Variants in HOXB5 observed in about 807,000 individuals in gnomAD.
The protein encoded by HOXB5 is homeobox protein Hox-B5.
In HOXB5, 10 loss-of-function variants were observed where a neutral mutation model predicts 19.6. The ratio of observed to expected loss-of-function variants is 0.51; its 90% CI spans 0.32 to 0.87. HOXB5 has a LOEUF of 0.87. Ranked by LOEUF, HOXB5 falls within the 40% of genes least tolerant of loss-of-function variation. The probability of loss-of-function intolerance (pLI) is 0.04; values close to 1 mark genes in which losing one functional copy is unlikely to be tolerated. For missense variants in HOXB5, 353 were observed against 369.6 expected (o/e 0.96, Z 0.37); for synonymous variants, 167 against 156.9 (o/e 1.06, Z -0.48).
intron 1 of HOXB5, 39 bp downstream of exon 1, chr17:48,593,082 A>G: frequency 5.3e-6 from 4 of 749,388 alleles, no homozygotes; most frequent in Non-Finnish European, 6.0e-6. Flanking sequence ...AAACGCAGAG[A>G]AGGAAAGCCG....
Position 48,593,531 on chromosome 17 carries a change from C to T in HOXB5, c.152G>A (p.Gly51Glu). 6.2e-7 allele frequency: 1 copy of T among 1,613,252 alleles called. No individual in the cohort carries two copies. Among genetic ancestry groups the T allele is most frequent in the South Asian group, 1.1e-5 (1 of 91,088 alleles). The change falls in exon 1 of 2, where the codon GGG (glycine) becomes GAG (glutamate). Residue 51 changes from glycine (G) to glutamate (E), a missense_variant. Physicochemically the swap from Gly to Glu is moderately conservative, Grantham distance 98 (BLOSUM62 -2). Transcript: ENST00000239151. ...GGAGCGGTTGACGCTGAGGTCCATC[C>T]CATTGTAATTGTAGCCGTAAGAGCC... ...HTGSYGYNYNGMDLSVNRSSA... is the reference protein window; with the variant it reads ...HTGSYGYNYNEMDLSVNRSSA...
chr17:48,592,998 C>G (rs920412271), intron 1 of HOXB5, 123 bp downstream of exon 1: 1 of 735,910 alleles, frequency 1.4e-6, no homozygotes, highest in East Asian at 2.7e-5. Context: ...CTCTTAGATA[C>G]TTCTCCCCCT....
At position 48,593,665 on chromosome 17, in the gene HOXB5, T is replaced by A; in HGVS notation, c.18A>T (p.Val6=). 2.5e-6 allele frequency: 4 copies of A among 1,611,672 alleles called. No individual in the cohort carries two copies. Among genetic ancestry groups the A allele is most frequent in the Non-Finnish European group, 3.4e-6 (4 of 1,178,984 alleles). The change falls in exon 1 of 2, where the codon GTA becomes GTT. Residue 6 remains valine, a synonymous_variant. Coordinates refer to ENST00000239151, the MANE Select transcript of HOXB5 (RefSeq NM_002147.4). ...TTGGATAACGCCCCGAGAAGGAGTT[T>A]ACAAAGTACGAGCTCATTTGGGTGA... The part of the protein sequence containing the change: MSSYF[V]NSFSGRYPNG...
Position 48,592,409 on chromosome 17 carries a change from A to G in HOXB5, c.610T>C (p.Tyr204His). The G allele has an allele frequency of 6.2e-7, 1 of 1,610,446 alleles. No individual in the cohort carries two copies. The highest frequency in any genetic ancestry group is 8.5e-7 in the Non-Finnish European group (1 of 1,178,136). ...GKRARTAYTR[Y>H]QTLELEKEFH... Reference sequence around the variant, plus strand: ...TCCTTTTCCAGCTCCAGGGTCTGGTAGCGGGTATACGCGGTCCGGGCCCTT... The same window carrying G: ...TCCTTTTCCAGCTCCAGGGTCTGGTGGCGGGTATACGCGGTCCGGGCCCTT... Residue 204 changes from tyrosine (Y) to histidine (H), a missense_variant, in exon 2 of 2, where the codon TAC becomes CAC. Coordinates refer to ENST00000239151, the MANE Select transcript of HOXB5 (RefSeq NM_002147.4).
intron 1 of HOXB5, 61 bp from the exon 2 acceptor site, chr17:48,592,517 G>A (rs1332413386): frequency 1.1e-5 from 16 of 1,405,388 alleles, no homozygotes; most frequent in Non-Finnish European, 1.4e-5. Flanking sequence ...GGGGGCACTG[G>A]GTGGGAGGGG....
intron 1 of HOXB5, 148 bp from the exon 2 acceptor site, chr17:48,592,604 T>G: frequency 1.2e-6 from 1 of 822,402 alleles, no homozygotes; most frequent in Non-Finnish European, 1.9e-6. Flanking sequence ...ATGCCCACAT[T>G]CAAGCTCGAT....
Position 48,592,164 on chromosome 17 carries a change from G to T in HOXB5, c.*45C>A. 1.9e-6 allele frequency: 3 copies of T among 1,594,714 alleles called. No homozygotes were observed. The East Asian group carries it at 6.7e-5, about 36-fold the overall frequency. On this transcript the variant is annotated 3_prime_UTR_variant, in exon 2 of 2. Coordinates refer to ENST00000239151, the MANE Select transcript of HOXB5 (RefSeq NM_002147.4). The stretch of plus-strand genomic sequence containing the variant: ...GGGGAGGATTGGAGGGGCCAGGGCT[G>T]GGGGTGGCACGGGCTCTTGGGCCGC...
rs2070205115 is a variant in HOXB5 at position 48,593,642 on chromosome 17, G to A, written c.41C>T (p.Pro14Leu). Reference protein sequence around the residue: ...YFVNSFSGRYPNGPDYQLLNY... With the variant: ...YFVNSFSGRYLNGPDYQLLNY... Reference sequence around the variant, plus strand: ...TAGCAACTGATAGTCCGGGCCATTTGGATAACGCCCCGAGAAGGAGTTTAC... The same window carrying A: ...TAGCAACTGATAGTCCGGGCCATTTAGATAACGCCCCGAGAAGGAGTTTAC... The change falls in exon 1 of 2, where the codon CCA becomes CTA. Residue 14 changes from proline (P) to leucine (L), a missense_variant. By Grantham distance (98) the Pro-to-Leu change is moderately conservative. Transcript: ENST00000239151. 6.2e-7 allele frequency: 1 copy of A among 1,612,612 alleles called. No homozygotes were observed.
rs1166736789 is a variant in HOXB5, at chr17:48,591,796, C to G, written c.*413G>C. 6.5e-6 allele frequency: 1 copy of G among 153,334 alleles called. No individual in the cohort carries two copies. Among genetic ancestry groups the G allele is most frequent in the African/African-American group, 2.4e-5 (1 of 41,314 alleles). The allele number at this position is 153,334 out of a possible 1,614,324, so 9.5% of individuals were successfully genotyped here. A position where few individuals can be genotyped will look rare whatever the true frequency, so the allele number is the denominator to read the frequency against. Reference sequence around the variant, plus strand: ...TGCTGCCCCTTACAGAAGTTTCCAGCTGAAACTCAAAATACAGCGATCATC... The same window carrying G: ...TGCTGCCCCTTACAGAAGTTTCCAGGTGAAACTCAAAATACAGCGATCATC... On this transcript the variant is annotated 3_prime_UTR_variant, in exon 2 of 2. Transcript: ENST00000239151.
intron 1 of HOXB5, 21 bp downstream of exon 1, chr17:48,593,100 A>C: frequency 1.5e-6 from 2 of 1,353,274 alleles, no homozygotes; most frequent in Non-Finnish European, 9.9e-7. Flanking sequence ...CCGAGAAGAC[A>C]AAAAAGAGAG....
chr17:48,593,024 ATATT>A (rs776545705), intron 1 of HOXB5, 93 bp downstream of exon 1: 393 of 910,650 alleles, frequency 4.3e-4, no homozygotes, highest in Admixed American at 6.6e-4. Flanking sequence ...AAATGAATCT[ATATT>A]TAGGGTAAAG....
At chr17:48,593,073 AACG>A in intron 1 of HOXB5, 45 bp downstream of exon 1, 2 of 1,083,294 alleles carry the variant, frequency 1.8e-6, no homozygotes, top group Non-Finnish European at 2.6e-6. Context: ...CCCACCCCAA[AACG>A]CAGAGAAGGA....
rs900098516 is a variant in HOXB5, at chr17:48,593,463, G to A, written c.220C>T (p.Arg74Cys). The A allele has an allele frequency of 2.1e-5, 34 of 1,611,654 alleles. No individual in the cohort carries two copies. Among genetic ancestry groups the A allele is most frequent in the African/African-American group, 2.7e-5 (2 of 74,904 alleles). ...TCCTGGGCGGGCGCGGGGAAGGCGCGCGAGCTCTCGCCCACCGCCCCAAAG... is the reference window on the plus strand; with the variant it reads ...TCCTGGGCGGGCGCGGGGAAGGCGCACGAGCTCTCGCCCACCGCCCCAAAG... ...SHFGAVGESS[R>C]AFPAPAQEPR... Residue 74 changes from arginine (R) to cysteine (C), a missense_variant, in exon 1 of 2, where the codon CGC becomes TGC. Arg to Cys is a radical substitution (Grantham distance 180). Transcript: ENST00000239151.
chr17:48,592,171 G>A lies in HOXB5; in HGVS notation c.*38C>T. The A allele has an allele frequency of 2.5e-6, 4 of 1,598,750 alleles. No homozygotes were observed. Among genetic ancestry groups the A allele is most frequent in the Non-Finnish European group, 2.6e-6 (3 of 1,171,606 alleles). On this transcript the variant is annotated 3_prime_UTR_variant, in exon 2 of 2. Transcript: ENST00000239151. ...ATTGGAGGGGCCAGGGCTGGGGGTG[G>A]CACGGGCTCTTGGGCCGCTGGGCTC...
chr17:48,593,551 A>G lies in HOXB5; in HGVS notation c.132T>C (p.Ser44=). The G allele has an allele frequency of 6.2e-7, 1 of 1,613,254 alleles. No homozygotes were observed. Among genetic ancestry groups the G allele is most frequent in the Non-Finnish European group, 8.5e-7 (1 of 1,180,036 alleles). The change falls in exon 1 of 2, where the codon TCT becomes TCC. Residue 44 remains serine (S), a synonymous_variant. Transcript: ENST00000239151. The stretch of plus-strand genomic sequence containing the variant: ...CCATCCCATTGTAATTGTAGCCGTA[A>G]GAGCCGGTGTGCATGGCAGCGGGAT... ...YRDPAAMHTG[S]YGYNYNGMDL...
At position 48,593,634 on chromosome 17, in the gene HOXB5, G is replaced by A; in HGVS notation, c.49C>T (p.Pro17Ser). The A allele has an allele frequency of 6.2e-7, 1 of 1,612,870 alleles. No individual in the cohort carries two copies. Among genetic ancestry groups the A allele is most frequent in the East Asian group, 2.2e-5 (1 of 44,862 alleles). ...CCATAATTTAGCAACTGATAGTCCG[G>A]GCCATTTGGATAACGCCCCGAGAAG... ...NSFSGRYPNGPDYQLLNYGSG... is the reference protein window; with the variant it reads ...NSFSGRYPNGSDYQLLNYGSG... Residue 17 changes from proline (P) to serine (S), a missense_variant, in exon 1 of 2, where the codon CCG (proline) becomes TCG (serine). Physicochemically the swap from Pro to Ser is moderately conservative, Grantham distance 74 (BLOSUM62 -1). Coordinates refer to ENST00000239151, the MANE Select transcript of HOXB5 (RefSeq NM_002147.4).
In HOXB5 at chr17:48,592,126, G is replaced by T; in HGVS notation, c.*83C>A. 1 of 1,492,722 alleles carries T rather than the reference G, an allele frequency of 6.7e-7. No homozygotes were observed. The highest frequency in any genetic ancestry group is 9.0e-7 in the Non-Finnish European group (1 of 1,109,754). The allele number at this position is 1,492,722 out of a possible 1,614,324, so 92.5% of individuals were successfully genotyped here. A position where few individuals can be genotyped will look rare whatever the true frequency, so the allele number is the denominator to read the frequency against. On this transcript the variant is annotated 3_prime_UTR_variant, in exon 2 of 2. Transcript: ENST00000239151. ...GCTTGTGGGAACCGGTCCCCAGCGG[G>T]CGGCGGCAGAGCGGGGAGGATTGGA... is the stretch of plus-strand genomic sequence containing the variant.
chr17:48,593,053 T>TTGCCC, intron 1 of HOXB5, 68 bp downstream of exon 1: 1 of 621,654 alleles, frequency 1.6e-6, no homozygotes, highest in Non-Finnish European at 2.9e-6. Context: ...GCTCTCCTTG[T>TTGCCC]CCCCCCGATC....
chr17:48,593,115 AATTACC>A lies in HOXB5; in HGVS notation c.562_562+5del. Reference sequence around the variant, plus strand: ...CCGAGAAGACAAAAAAGAGAGAGAGAATTACCATGGCTGATGTGAAGCTTCCTCATC... The same window carrying A: ...CCGAGAAGACAAAAAAGAGAGAGAGAATGGCTGATGTGAAGCTTCCTCATC... On this transcript the variant is annotated splice_donor_variant and splice_donor_5th_base_variant and coding_sequence_variant and intron_variant, in exon 1 of 2. Transcript: ENST00000239151. LOFTEE classifies it high-confidence loss of function. 1 of 1,454,188 alleles carries A rather than the reference AATTACC, an allele frequency of 6.9e-7. No homozygotes were observed. 90.1% of individuals were successfully genotyped at this position (1,454,188 alleles called of 1,614,324 possible). A position where few individuals can be genotyped will look rare whatever the true frequency, so the allele number is the denominator to read the frequency against.
Sources: allele counts gnomAD v4.1 joint callset, GRCh38; gene constraint gnomAD v4.1.1; transcripts MANE v1.5; gene names NCBI Gene and HGNC (gene_info 2026-07-23, HGNC 2026-07-21).